NFIB: variants seen among roughly 807,000 people sequenced by gnomAD.
NFIB encodes nuclear factor I B.
NFIB carries 11 observed loss-of-function variants against 61.5 expected under a neutral mutation model. The observed-to-expected ratio is 0.18, with a 90% CI of 0.11 to 0.30. The LOEUF (loss-of-function observed/expected upper bound fraction) is 0.30, where lower values mean the gene tolerates loss of function less well. Ranked by LOEUF, NFIB falls within the 10% of genes least tolerant of loss-of-function variation. The pLI is 1.00. For synonymous variants in NFIB, 260 were observed against 216.5 expected, an observed-to-expected ratio of 1.20 and a Z score of -1.76; for missense variants, 471 against 608.9, an observed-to-expected ratio of 0.77 and a Z score of 2.38.
chr9:14,522,325 T>C, the NFIB span, among the ~76,000 whole-genome samples: 10 of 152,216 alleles, frequency 6.6e-5, no homozygotes, highest in African/African-American at 1.2e-4. Flanking sequence ...ACATTCATGC[T>C]ACGTAAACAT....
chr9:14,488,619 G>A, the NFIB span, among the ~76,000 whole-genome samples: 1 of 152,166 alleles, frequency 6.6e-6, no homozygotes, highest in African/African-American at 2.4e-5. Context: ...GCTGGGGAAT[G>A]TGTACCTCTA....
At position 14,088,100 on chromosome 9, in the gene NFIB, C is replaced by T; in HGVS notation, c.*209G>A. ...TTATCTTCTTTCTTCAGTTTCTTTCCTTTCTGCCTTTGTGTTGTTTTGTCC... is the reference window on the plus strand; with the variant it reads ...TTATCTTCTTTCTTCAGTTTCTTTCTTTTCTGCCTTTGTGTTGTTTTGTCC... On this transcript the variant is annotated 3_prime_UTR_variant, in exon 11 of 11. Transcript: ENST00000380953. 2.7e-6 allele frequency: 3 copies of T among 1,127,372 alleles called. No individual in the cohort carries two copies. The highest frequency in any genetic ancestry group is 1.6e-5 in the African/African-American group (1 of 62,862). 69.8% of individuals were successfully genotyped at this position (1,127,372 alleles called of 1,614,324 possible). A position where few individuals can be genotyped will look rare whatever the true frequency, so the allele number is the denominator to read the frequency against.
At chr9:14,461,554 T>C in the NFIB span, among the ~76,000 whole-genome samples, 1 of 152,182 alleles carries the variant, frequency 6.6e-6, no homozygotes, top group Non-Finnish European at 1.5e-5. Flanking sequence ...CCCCTCCACA[T>C]TTCATCAATC....
chr9:14,315,400 G>A (rs923633596), upstream of NFIB, among the ~76,000 whole-genome samples: 1 of 149,864 alleles, frequency 6.7e-6, no homozygotes, highest in African/African-American at 2.4e-5. Flanking sequence ...CCCGCGCCCG[G>A]CTTCGCTCTC....
chr9:14,374,746 C>G (rs545549933), intron 1 of NFIB, among the ~76,000 whole-genome samples: 1 of 152,130 alleles, frequency 6.6e-6, no homozygotes, highest in South Asian at 2.1e-4. Context: ...CCTGTCTCTA[C>G]TAAAAATACA....
the NFIB span, among the ~76,000 whole-genome samples, chr9:14,404,260 A>C: frequency 6.6e-6 from 1 of 152,228 alleles, no homozygotes; most frequent in Non-Finnish European, 1.5e-5. Flanking sequence ...ACAGAAGCAT[A>C]GGTGAGCATA....
intron 1 of NFIB, among the ~76,000 whole-genome samples, chr9:14,392,650 G>A (rs890991827): frequency 4.6e-5 from 7 of 151,988 alleles, no homozygotes; most frequent in African/African-American, 1.4e-4. Flanking sequence ...AACCCAGGGG[G>A]CAGAGGCTGC....
the NFIB span, among the ~76,000 whole-genome samples, chr9:14,434,293 A>C: frequency 6.6e-6 from 1 of 152,144 alleles, no homozygotes; most frequent in East Asian, 1.9e-4. Flanking sequence ...ACTAAGAGAT[A>C]CCAGTCTGTT....
intron 2 of NFIB, among the ~76,000 whole-genome samples, chr9:14,271,129 A>C (rs2057582800): frequency 6.6e-6 from 1 of 150,430 alleles, no homozygotes; most frequent in African/African-American, 2.4e-5. Flanking sequence ...ATCTGGCCCA[A>C]CCCCCTGCAA....
chr9:14,492,522 T>C, the NFIB span, among the ~76,000 whole-genome samples: 1 of 151,860 alleles, frequency 6.6e-6, no homozygotes, highest in Admixed American at 6.6e-5. Context: ...CTTACAATCA[T>C]GGTGGAAGGC....
At chr9:14,429,461 T>A in the NFIB span, among the ~76,000 whole-genome samples, 1 of 152,252 alleles carries the variant, frequency 6.6e-6, no homozygotes, top group Non-Finnish European at 1.5e-5. Flanking sequence ...AAGGCCCACA[T>A]TTCCAGGCCT....
At chr9:14,458,202 C>T in the NFIB span, among the ~76,000 whole-genome samples, 1 of 152,180 alleles carries the variant, frequency 6.6e-6, no homozygotes, top group Admixed American at 6.5e-5. Flanking sequence ...GGATGCAAGG[C>T]TGGTTCAACA....
intron 2 of NFIB, among the ~76,000 whole-genome samples, chr9:14,282,407 T>C (rs989753987): frequency 6.6e-6 from 1 of 152,216 alleles, no homozygotes; most frequent in Non-Finnish European, 1.5e-5. Flanking sequence ...TCTTCTAATA[T>C]ACAAAATTAT....
chr9:14,131,409 T>C (rs2130943866), intron 6 of NFIB, among the ~76,000 whole-genome samples: 1 of 152,342 alleles, frequency 6.6e-6, no homozygotes, highest in East Asian at 1.9e-4. Context: ...TGATGTGTTA[T>C]TTATTTCACG....
At chr9:14,333,683 G>A (rs1423075860) in intron 1 of NFIB, among the ~76,000 whole-genome samples, 2 of 152,176 alleles carry the variant, frequency 1.3e-5, no homozygotes, top group East Asian at 3.8e-4. Context: ...AAAAGAAATT[G>A]TCGTGTGGTC....
At chr9:14,249,221 G>A (rs549545406) in intron 2 of NFIB, among the ~76,000 whole-genome samples, 14 of 152,034 alleles carry the variant, frequency 9.2e-5, no homozygotes, top group Non-Finnish European at 1.6e-4. Context: ...AACTGAGGAT[G>A]GGGGTAGATA....
chr9:14,332,379 G>C (rs2060833200), intron 1 of NFIB, among the ~76,000 whole-genome samples: 1 of 150,172 alleles, frequency 6.7e-6, no homozygotes, highest in South Asian at 2.1e-4. Context: ...CTAGCTCCCT[G>C]ATGCCAAGAG....
intron 2 of NFIB, among the ~76,000 whole-genome samples, chr9:14,301,388 C>T (rs982148166): frequency 2.0e-5 from 3 of 152,176 alleles, no homozygotes; most frequent in Admixed American, 6.5e-5. Context: ...AATCCAAATA[C>T]ATAATCTAAC....
chr9:14,273,949 T>G (rs1194489787), intron 2 of NFIB, among the ~76,000 whole-genome samples: 1 of 152,114 alleles, frequency 6.6e-6, no homozygotes. Context: ...AGGGAAACAG[T>G]CTTTTTTTCA....
Sources: gnomAD v4.1 joint callset for allele counts (sites outside exome capture counted in the v4.1 genomes callset) on GRCh38, gnomAD v4.1.1 for gene constraint, MANE v1.5 for transcripts, NCBI Gene and HGNC (gene_info 2026-07-23, HGNC 2026-07-21) for gene names.